The following SLC25A14 variants were observed in gnomAD, a reference collection of about 807,000 sequenced individuals.
SLC25A14 encodes brain mitochondrial carrier protein 1.
In SLC25A14, 8 loss-of-function variants were observed where a neutral mutation model predicts 28.1. The ratio of observed to expected loss-of-function variants is 0.28; its 90% confidence interval spans 0.17 to 0.51. The LOEUF (loss-of-function observed/expected upper bound fraction) is 0.51, where lower values mean the gene tolerates loss of function less well. Ranked by LOEUF, SLC25A14 falls within the 20% of genes least tolerant of loss-of-function variation. SLC25A14 has a pLI of 0.97. For synonymous variants in SLC25A14, 74 were observed against 90.6 expected, an observed-to-expected ratio of 0.82 and a Z score of 1.04; for missense variants, 135 against 263.8, an observed-to-expected ratio of 0.51 and a Z score of 3.38.
chrX:130,365,290 G>C, intron 8 of SLC25A14: 1 of 929,622 alleles, frequency 1.1e-6, no homozygotes, highest in Non-Finnish European at 1.3e-6. Context: ...TTTCTACTTA[G>C]GAATCTTGTT....
chrX:130,340,938 C>A (rs2033239469), intron 2 of SLC25A14, among the ~76,000 whole-genome samples: 1 of 110,772 alleles, frequency 9.0e-6, no homozygotes, highest in East Asian at 2.8e-4. Flanking sequence ...TATCACACTT[C>A]TTGTCTGATA....
At chrX:130,372,764 C>T in intron 10 of SLC25A14, 145 bp from the exon 11 acceptor site, 1 of 513,624 alleles carries the variant, frequency 1.9e-6, no homozygotes. Context: ...GCCCGGCTGT[C>T]AGGTGGTGTT....
At chrX:130,350,805 A>G (rs1378551424) in intron 6 of SLC25A14, 74 bp downstream of exon 6, 2 of 584,603 alleles carry the variant, frequency 3.4e-6, no homozygotes, top group African/African-American at 4.5e-5. Flanking sequence ...CCACTCTGTC[A>G]CTTGCCAGCT....
At chrX:130,370,531 A>T (rs1398373877) in intron 9 of SLC25A14, among the ~76,000 whole-genome samples, 1 of 112,116 alleles carries the variant, frequency 8.9e-6, no homozygotes, top group Non-Finnish European at 1.9e-5. Flanking sequence ...AATTCTCATA[A>T]CCATGTATAT....
In SLC25A14 at chrX:130,353,305, G is replaced by A. The variant is rs1300387404; in HGVS notation, c.498+2574G>A. On this transcript the variant is annotated intron_variant, in intron 6 of 10. Coordinates refer to ENST00000545805, the MANE Select transcript of SLC25A14 (RefSeq NM_001282195.2). Reference sequence around the variant, plus strand: ...GCCTGGCCTTATACCTCTCAATTTCGTGTCCTTTCTACCTTACAGGTGTAA... The same window carrying A: ...GCCTGGCCTTATACCTCTCAATTTCATGTCCTTTCTACCTTACAGGTGTAA... Among the ~76,000 whole-genome samples, 3 of 111,497 alleles carry A rather than the reference G, an allele frequency of 2.7e-5. No homozygotes were observed. The East Asian group carries it at 8.4e-4, about 31-fold the overall frequency.
rs1412368223 is a variant in SLC25A14, at chrX:130,371,283, TC to T, written c.856-280del. ...GGGTACAAATAACTGGAGGTAGGGTTCATTGGGGGCCATCTTGGAGGCTGGC... is the reference window on the plus strand; with the variant it reads ...GGGTACAAATAACTGGAGGTAGGGTTATTGGGGGCCATCTTGGAGGCTGGC... On this transcript the variant is annotated intron_variant, in intron 9 of 10. Coordinates refer to ENST00000545805, the MANE Select transcript of SLC25A14 (RefSeq NM_001282195.2). Among the ~76,000 whole-genome samples, 4 of 111,574 alleles carry T rather than the reference TC, an allele frequency of 3.6e-5. No individual in the cohort carries two copies. In the Admixed American group the frequency reaches 3.8e-4, roughly 11 times the overall value.
intron 9 of SLC25A14, among the ~76,000 whole-genome samples, chrX:130,367,932 G>A (rs1410869185): frequency 1.8e-5 from 2 of 112,211 alleles, no homozygotes; most frequent in South Asian, 3.7e-4. Flanking sequence ...ACAGGTGCCC[G>A]CCACTACGCC....
At chrX:130,359,382 GA>G (rs1413272370) in intron 7 of SLC25A14, among the ~76,000 whole-genome samples, 1 of 89,037 alleles carries the variant, frequency 1.1e-5, no homozygotes, top group Admixed American at 1.2e-4. Context: ...AAAAGAATAA[GA>G]AAAAAAAGCT....
intron 6 of SLC25A14, among the ~76,000 whole-genome samples, chrX:130,357,372 TATC>T (rs1226231830): frequency 1.8e-4 from 20 of 111,737 alleles, no homozygotes; most frequent in African/African-American, 5.9e-4. Flanking sequence ...GGTTAAAAAA[TATC>T]ATATTGAGAC....
intron 6 of SLC25A14, among the ~76,000 whole-genome samples, chrX:130,351,847 A>G (rs2033628942): frequency 8.9e-6 from 1 of 111,898 alleles, no homozygotes; most frequent in African/African-American, 3.2e-5. Flanking sequence ...AAAATATGAG[A>G]CAGTCTTTCT....
chrX:130,369,224 G>A (rs1223385694), intron 9 of SLC25A14, among the ~76,000 whole-genome samples: 1 of 110,954 alleles, frequency 9.0e-6, no homozygotes, highest in Non-Finnish European at 1.9e-5. Context: ...TGAGGCTGCA[G>A]TGAGCTATGT....
chrX:130,347,933 A>G (rs2033491513), intron 4 of SLC25A14, among the ~76,000 whole-genome samples: 1 of 105,533 alleles, frequency 9.5e-6, no homozygotes, highest in Admixed American at 1.0e-4. Flanking sequence ...AATTTTTAAA[A>G]TGTTTTGTAG....
chrX:130,365,313 T>C, intron 8 of SLC25A14: 1 of 967,301 alleles, frequency 1.0e-6, no homozygotes, highest in Non-Finnish European at 1.3e-6. Context: ...GTTTAGAAAC[T>C]CTCCTTTAAA....
intron 6 of SLC25A14, among the ~76,000 whole-genome samples, chrX:130,353,140 C>T (rs1369192660): frequency 1.8e-5 from 2 of 111,814 alleles, no homozygotes; most frequent in African/African-American, 3.3e-5. Flanking sequence ...AGCTAGTCAG[C>T]TGTCCCAGTA....
chrX:130,352,585 GT>G (rs1344189438), intron 6 of SLC25A14, among the ~76,000 whole-genome samples: 3 of 111,766 alleles, frequency 2.7e-5, no homozygotes, highest in Non-Finnish European at 5.7e-5. Context: ...AGCATCTGTT[GT>G]TTTTACTTTT....
intron 3 of SLC25A14, 36 bp downstream of exon 3, chrX:130,345,311 G>A (rs1290416215): frequency 9.7e-6 from 8 of 824,721 alleles, no homozygotes; most frequent in Middle Eastern, 2.8e-4. Flanking sequence ...TGCATTATAC[G>A]GTATAGATGG....
chrX:130,367,703 T>C (rs2034153314), intron 9 of SLC25A14, among the ~76,000 whole-genome samples: 1 of 112,072 alleles, frequency 8.9e-6, no homozygotes, highest in South Asian at 3.7e-4. Context: ...CCCTGGAAAG[T>C]ATAGTTTGGC....
In SLC25A14 at chrX:130,371,544, T is replaced by C; in HGVS notation, c.856-20T>C. 2 of 1,167,599 alleles carry C rather than the reference T, an allele frequency of 1.7e-6. No individual in the cohort carries two copies. The highest frequency in any genetic ancestry group is 2.3e-4 in the Middle Eastern group (1 of 4,258). On this transcript the variant is annotated intron_variant, in intron 9 of 10. Coordinates refer to ENST00000545805, the MANE Select transcript of SLC25A14 (RefSeq NM_001282195.2). ...GAGAAAGGTGAATTCACTCTGTTTTTGGTTATATCTTTCCTGCAGATGTGG... is the reference window on the plus strand; with the variant it reads ...GAGAAAGGTGAATTCACTCTGTTTTCGGTTATATCTTTCCTGCAGATGTGG...
At chrX:130,365,118 C>A (rs1259356751) in intron 8 of SLC25A14, 2 of 802,134 alleles carry the variant, frequency 2.5e-6, no homozygotes, top group Non-Finnish European at 3.0e-6. Context: ...TAAATAAGGT[C>A]TGTGAAACTA....
Sources: allele counts gnomAD v4.1 joint callset (sites outside exome capture counted in the v4.1 genomes callset), GRCh38; gene constraint gnomAD v4.1.1; transcripts MANE v1.5; gene names NCBI Gene and HGNC (gene_info 2026-07-23, HGNC 2026-07-21).